The following GREB1L variants were observed in gnomAD, a reference collection of about 807,000 sequenced individuals.
GREB1L encodes the protein GREB1-like protein.
Under a neutral mutation model 200.8 loss-of-function variants are expected in GREB1L, and 17 were observed. That is an observed-to-expected ratio of 0.08 (90% CI 0.06 to 0.13). The LOEUF is 0.13. GREB1L is among the 10% of genes least tolerant of loss of function. The pLI is 1.00. For missense variants in GREB1L, 1,657 were observed against 2,367.7 expected (o/e 0.70, Z 6.23); for synonymous variants, 789 against 893.0 (o/e 0.88, Z 2.08).
chr18:21,401,196 T>C lies in GREB1L; in HGVS notation c.579T>C (p.Tyr193=), dbSNP rs1221431388. The change falls in exon 6 of 33, where the codon TAT becomes TAC. Residue 193 remains tyrosine (Y), a synonymous_variant. Coordinates refer to ENST00000424526, the MANE Select transcript of GREB1L (RefSeq NM_001142966.3). ...CIGCGERGFR[Y]FTEFSNHINL... Reference sequence around the variant, plus strand: ...GCTGTGGAGAAAGAGGATTTCGATATTTCACGGAATTTTCCAACCACATTA... The same window carrying C: ...GCTGTGGAGAAAGAGGATTTCGATACTTCACGGAATTTTCCAACCACATTA... 15 of 1,551,528 alleles carry C rather than the reference T, an allele frequency of 9.7e-6. No individual in the cohort carries two copies. The highest frequency in any genetic ancestry group is 9.6e-6 in the Non-Finnish European group (11 of 1,146,992).
At chr18:21,470,939 G>A (rs1280709195) in intron 15 of GREB1L, among the ~76,000 whole-genome samples, 2 of 152,122 alleles carry the variant, frequency 1.3e-5, no homozygotes, top group African/African-American at 4.8e-5. Flanking sequence ...TAAAAGTAGG[G>A]ATGATCTACT....
intron 1 of GREB1L, among the ~76,000 whole-genome samples, chr18:21,331,241 A>G (rs960713837): frequency 7.2e-5 from 11 of 152,150 alleles, no homozygotes; most frequent in South Asian, 2.1e-4. Context: ...GGCCCTATCA[A>G]TCATGCAGAG....
intron 19 of GREB1L, among the ~76,000 whole-genome samples, chr18:21,493,217 T>C (rs1347153324): frequency 2.0e-5 from 3 of 152,234 alleles, no homozygotes; most frequent in Non-Finnish European, 2.9e-5. Context: ...TATTATGTGA[T>C]CTTATTTTTG....
At chr18:21,471,902 T>C (rs976082048) in intron 15 of GREB1L, among the ~76,000 whole-genome samples, 2 of 152,202 alleles carry the variant, frequency 1.3e-5, no homozygotes, top group African/African-American at 2.4e-5. Context: ...ATTACAGGCA[T>C]GAGCCACCAC....
intron 25 of GREB1L, among the ~76,000 whole-genome samples, chr18:21,507,488 A>G (rs2037062083): frequency 6.6e-6 from 1 of 152,214 alleles, no homozygotes; most frequent in East Asian, 1.9e-4. Context: ...GCGTGAAAAG[A>G]CCTATTATAT....
intron 23 of GREB1L, among the ~76,000 whole-genome samples, chr18:21,505,177 C>A (rs780014847): frequency 1.1e-4 from 16 of 152,082 alleles, no homozygotes; most frequent in Non-Finnish European, 2.1e-4. Flanking sequence ...CTTACAGATG[C>A]CAGAGTTTGT....
intron 1 of GREB1L, among the ~76,000 whole-genome samples, chr18:21,348,808 G>A (rs1288580831): frequency 6.6e-6 from 1 of 152,074 alleles, no homozygotes; most frequent in Non-Finnish European, 1.5e-5. Flanking sequence ...AGCCAGCCAT[G>A]GTGGCATGCA....
chr18:21,326,458 A>G (rs577916160), intron 1 of GREB1L, among the ~76,000 whole-genome samples: 3 of 152,290 alleles, frequency 2.0e-5, no homozygotes, highest in South Asian at 4.1e-4. Flanking sequence ...GATCCCCAAC[A>G]TTCCTACAGA....
intron 1 of GREB1L, among the ~76,000 whole-genome samples, chr18:21,313,173 A>C (rs1253837164): frequency 6.6e-6 from 1 of 151,326 alleles, no homozygotes; most frequent in Non-Finnish European, 1.5e-5. Flanking sequence ...AAATATTAAA[A>C]AATATTAAAT....
intron 7 of GREB1L, among the ~76,000 whole-genome samples, chr18:21,415,732 T>G (rs1421709013): frequency 6.6e-6 from 1 of 152,186 alleles, no homozygotes; most frequent in African/African-American, 2.4e-5. Context: ...AGGCATAAGA[T>G]AGAGCACTTA....
chr18:21,419,258 C>A (rs1376416352), intron 7 of GREB1L, among the ~76,000 whole-genome samples: 1 of 152,104 alleles, frequency 6.6e-6, no homozygotes, highest in East Asian at 1.9e-4. Flanking sequence ...TGTCACTAAG[C>A]AAACATAACT....
chr18:21,500,249 G>A lies in GREB1L; in HGVS notation c.3912G>A (p.Pro1304=), dbSNP rs769947296. ...HHADYSNQLD[P]ASGTRNFHPR... ...CTGACTATAGCAACCAGCTGGACCC[G>A]GCCTCTGGCACCCGAAACTTCCACC... The change falls in exon 22 of 33, where the codon CCG becomes CCA. Residue 1304 remains proline, a synonymous_variant. Coordinates refer to ENST00000424526, the MANE Select transcript of GREB1L (RefSeq NM_001142966.3). 3.1e-5 allele frequency: 47 copies of A among 1,507,612 alleles called. No individual in the cohort carries two copies. Among genetic ancestry groups the A allele is most frequent in the Non-Finnish European group, 3.7e-5 (41 of 1,117,450 alleles). The allele number at this position is 1,507,612 out of a possible 1,614,324, so 93.4% of individuals were successfully genotyped here. A position where few individuals can be genotyped will look rare whatever the true frequency, so the allele number is the denominator to read the frequency against.
At position 21,513,828 on chromosome 18, in the gene GREB1L, C is replaced by G; in HGVS notation, c.4743C>G (p.Ala1581=). ...GGTTATGTTGCCTTCCAGGTGCTGC[C>G]AGGTTCCTCATCAAGGAGCTATCAT... ...GMFNNAGVGA[A]RFLIKELSYH... The change falls in exon 28 of 33, where the codon GCC becomes GCG. Residue 1581 remains alanine (A), a synonymous_variant. Transcript: ENST00000424526. 6.4e-7 allele frequency: 1 copy of G among 1,551,262 alleles called. No homozygotes were observed. Among genetic ancestry groups the G allele is most frequent in the Non-Finnish European group, 8.7e-7 (1 of 1,146,912 alleles).
intron 21 of GREB1L, 111 bp downstream of exon 21, chr18:21,496,809 T>C: frequency 8.0e-7 from 1 of 1,251,940 alleles, no homozygotes; most frequent in Non-Finnish European, 1.1e-6. Context: ...CAGAGGAGCC[T>C]TCAGGGACTG....
intron 4 of GREB1L, among the ~76,000 whole-genome samples, chr18:21,392,765 A>T (rs1386771343): frequency 6.6e-6 from 1 of 151,386 alleles, no homozygotes; most frequent in Non-Finnish European, 1.5e-5. Context: ...TTAAATTTTA[A>T]TTTTTTTTCT....
intron 2 of GREB1L, among the ~76,000 whole-genome samples, chr18:21,376,640 T>TA (rs2040084457): frequency 1.3e-5 from 2 of 150,138 alleles, no homozygotes; most frequent in Non-Finnish European, 3.0e-5. Context: ...CCATCTCTAC[T>TA]AAAAACACAA....
At chr18:21,265,282 G>A (rs2037948169) in intron 1 of GREB1L, among the ~76,000 whole-genome samples, 1 of 152,006 alleles carries the variant, frequency 6.6e-6, no homozygotes, top group African/African-American at 2.4e-5. Flanking sequence ...TTCTTGTAAG[G>A]TGAAATAGTA....
intron 2 of GREB1L, among the ~76,000 whole-genome samples, chr18:21,381,584 A>G (rs2040315047): frequency 6.6e-6 from 1 of 152,222 alleles, no homozygotes; most frequent in African/African-American, 2.4e-5. Flanking sequence ...TCCAAAGACA[A>G]GTTAGTGAGT....
Position 21,499,698 on chromosome 18 carries a change from T to TG in GREB1L, c.3392-30dup, listed in dbSNP as rs2036695158. ...CACCCTAGATCAGTAACAGAGCTGCTGTGGGGTGGGTTCTGTCTGTTCTCT... is the reference window on the plus strand; with the variant it reads ...CACCCTAGATCAGTAACAGAGCTGCTGGTGGGGTGGGTTCTGTCTGTTCTCT... On this transcript the variant is annotated intron_variant, in intron 21 of 32. Coordinates refer to ENST00000424526, the MANE Select transcript of GREB1L (RefSeq NM_001142966.3). The TG allele has an allele frequency of 2.0e-6, 3 of 1,469,590 alleles. No individual in the cohort carries two copies. In the South Asian group the frequency reaches 3.7e-5, roughly 18 times the overall value. 91.0% of individuals were successfully genotyped at this position (1,469,590 alleles called of 1,614,324 possible). A position where few individuals can be genotyped will look rare whatever the true frequency, so the allele number is the denominator to read the frequency against.
Sources: gnomAD v4.1 joint callset for allele counts (sites outside exome capture counted in the v4.1 genomes callset) on GRCh38, gnomAD v4.1.1 for gene constraint, MANE v1.5 for transcripts, NCBI Gene and HGNC (gene_info 2026-07-23, HGNC 2026-07-21) for gene names.